DOCK3: variants seen among roughly 807,000 people sequenced by gnomAD.
DOCK3 encodes the protein dedicator of cytokinesis protein 3.
In DOCK3, 60 loss-of-function variants were observed where a neutral mutation model predicts 265.6. The ratio of observed to expected loss-of-function variants is 0.23; its 90% CI spans 0.18 to 0.28. The LOEUF (loss-of-function observed/expected upper bound fraction) is 0.28, where lower values mean the gene tolerates loss of function less well. Among genes scored for constraint, DOCK3 ranks in the 10% least tolerant of loss-of-function variants. DOCK3 has a pLI of 1.00. For missense variants in DOCK3, 1,981 were observed against 2,594.3 expected, an observed-to-expected ratio of 0.76 and a Z score of 5.14; for synonymous variants, 881 against 938.0, an observed-to-expected ratio of 0.94 and a Z score of 1.11.
At chr3:50,857,680 T>G (rs1012336777) in intron 3 of DOCK3, among the ~76,000 whole-genome samples, 1 of 152,228 alleles carries the variant, frequency 6.6e-6, no homozygotes, top group East Asian at 1.9e-4. Flanking sequence ...TGAAAAAATG[T>G]TCATCATCAC....
chr3:50,918,745 G>A (rs2050270196), intron 4 of DOCK3, among the ~76,000 whole-genome samples: 1 of 152,160 alleles, frequency 6.6e-6, no homozygotes. Context: ...CTTTTGCTGT[G>A]TAGAAGCTCT....
intron 35 of DOCK3, among the ~76,000 whole-genome samples, chr3:51,335,802 G>A (rs968841310): frequency 1.3e-5 from 2 of 152,162 alleles, no homozygotes; most frequent in African/African-American, 4.8e-5. Context: ...GACCAGCCTG[G>A]ACAATATGGC....
chr3:51,270,723 C>T (rs2080449077), intron 23 of DOCK3, 92 bp from the exon 24 acceptor site: 1 of 1,350,556 alleles, frequency 7.4e-7, no homozygotes, highest in Admixed American at 2.3e-5. Context: ...AGTGCCTTCT[C>T]AGCCTCTCAC....
Position 50,885,930 on chromosome 3 carries a change from T to C in DOCK3, c.163-4096T>C, listed in dbSNP as rs576021279. ...TGTTTGACAGCAGGGTAGTGGTTAT[T>C]GTTTAAAAGTTTTCTGTCTTAATAG... On this transcript the variant is annotated intron_variant, in intron 3 of 52. Transcript: ENST00000266037. Among the ~76,000 whole-genome samples, 10 of 152,162 alleles carry C rather than the reference T, an allele frequency of 6.6e-5. No individual in the cohort carries two copies. In the South Asian group the frequency reaches 1.9e-3, roughly 28 times the overall value.
chr3:50,971,152 GT>G (rs1559879492), intron 5 of DOCK3, among the ~76,000 whole-genome samples: 1 of 150,444 alleles, frequency 6.6e-6, no homozygotes, highest in African/African-American at 2.4e-5. Flanking sequence ...TTTAAAATCA[GT>G]TTTGAAATCT....
intron 14 of DOCK3, among the ~76,000 whole-genome samples, chr3:51,224,101 C>T (rs931506311): frequency 3.3e-5 from 5 of 152,232 alleles, no homozygotes; most frequent in African/African-American, 1.2e-4. Context: ...TTTCAAAACA[C>T]ATTTTCTTCT....
chr3:51,285,817 C>T (rs1471241855), intron 27 of DOCK3, among the ~76,000 whole-genome samples: 1 of 152,004 alleles, frequency 6.6e-6, no homozygotes, highest in Non-Finnish European at 1.5e-5. Context: ...CGCCTGTAAT[C>T]CCAGCTACTT....
At chr3:51,067,427 T>TTTTGTGTG (rs139334124) in intron 6 of DOCK3, among the ~76,000 whole-genome samples, 2 of 144,108 alleles carry the variant, frequency 1.4e-5, no homozygotes, top group South Asian at 2.2e-4. Context: ...TGAAATATGT[T>TTTTGTGTG]TGTGTGTGTG....
At chr3:51,038,636 C>A (rs1007368684) in intron 5 of DOCK3, among the ~76,000 whole-genome samples, 9 of 152,290 alleles carry the variant, frequency 5.9e-5, no homozygotes, top group African/African-American at 2.2e-4. Flanking sequence ...ATTACTGTTT[C>A]TCACTGTATA....
intron 1 of DOCK3, among the ~76,000 whole-genome samples, chr3:50,729,521 C>T (rs2038059824): frequency 6.6e-6 from 1 of 151,896 alleles, no homozygotes; most frequent in Non-Finnish European, 1.5e-5. Context: ...GTATATCTCC[C>T]AATGCTATCC....
At chr3:51,067,030 C>T (rs1370815417) in intron 6 of DOCK3, among the ~76,000 whole-genome samples, 1 of 152,106 alleles carries the variant, frequency 6.6e-6, no homozygotes, top group Admixed American at 6.5e-5. Context: ...CCTCTTCAAA[C>T]CCAAACATTT....
chr3:50,735,316 T>G (rs1051733735), intron 1 of DOCK3, among the ~76,000 whole-genome samples: 1 of 152,094 alleles, frequency 6.6e-6, no homozygotes, highest in African/African-American at 2.4e-5. Flanking sequence ...TTGTTAGGGC[T>G]TCATGGATCT....
At chr3:51,016,992 T>C (rs2079372682) in intron 5 of DOCK3, among the ~76,000 whole-genome samples, 1 of 137,160 alleles carries the variant, frequency 7.3e-6, no homozygotes, top group Non-Finnish European at 1.5e-5. Context: ...TAAAATTTAG[T>C]AGTAAAACCA....
At chr3:50,939,295 A>T (rs946964571) in intron 5 of DOCK3, among the ~76,000 whole-genome samples, 3 of 152,160 alleles carry the variant, frequency 2.0e-5, no homozygotes, top group Non-Finnish European at 4.4e-5. Flanking sequence ...TTCCAAAAAG[A>T]ACTATCCAGG....
intron 27 of DOCK3, among the ~76,000 whole-genome samples, chr3:51,296,649 T>G (rs1031866706): frequency 3.3e-5 from 5 of 152,018 alleles, no homozygotes; most frequent in African/African-American, 1.2e-4. Flanking sequence ...GCTATTTTTT[T>G]GTATTTTTAG....
chr3:50,854,525 G>A (rs1298583873), intron 3 of DOCK3, among the ~76,000 whole-genome samples: 1 of 139,386 alleles, frequency 7.2e-6, no homozygotes, highest in East Asian at 2.1e-4. Flanking sequence ...TGAACTCCTG[G>A]GCTCAAGTGA....
At chr3:50,708,754 CAAT>C (rs1475473786) in intron 1 of DOCK3, among the ~76,000 whole-genome samples, 1 of 152,122 alleles carries the variant, frequency 6.6e-6, no homozygotes, top group Non-Finnish European at 1.5e-5. Context: ...CTTTTTTTCA[CAAT>C]GAGGAGTGCC....
At chr3:51,032,130 G>GTGTGTGTA (rs1365027246) in intron 5 of DOCK3, among the ~76,000 whole-genome samples, 1 of 151,770 alleles carries the variant, frequency 6.6e-6, no homozygotes, top group Non-Finnish European at 1.5e-5. Context: ...GTGTGTGTGT[G>GTGTGTGTA]TGTGTGTGTG....
At chr3:51,199,285 CAAAG>C (rs992366601) in intron 12 of DOCK3, among the ~76,000 whole-genome samples, 21 of 152,176 alleles carry the variant, frequency 1.4e-4, no homozygotes, top group African/African-American at 4.8e-4. Flanking sequence ...GTTTCCTAGT[CAAAG>C]AAAGGGGTGA....
Sources: allele counts gnomAD v4.1 joint callset (sites outside exome capture counted in the v4.1 genomes callset), GRCh38; gene constraint gnomAD v4.1.1; transcripts MANE v1.5; gene names NCBI Gene and HGNC (gene_info 2026-07-23, HGNC 2026-07-21).